DIP2C: variants seen among roughly 807,000 people sequenced by gnomAD.
The protein encoded by DIP2C is DIP2 acetate--CoA ligase C (putative).
Under a neutral mutation model 192.4 loss-of-function variants are expected in DIP2C, and 33 were observed. That is an observed-to-expected ratio of 0.17 (90% CI 0.13 to 0.23). DIP2C has a LOEUF of 0.23. DIP2C is among the 10% of genes least tolerant of loss of function. The pLI, the probability that DIP2C is intolerant of heterozygous loss-of-function variation, is 1.00. For missense variants in DIP2C, 1,537 were observed against 2,110.1 expected (o/e 0.73, Z 5.32); for synonymous variants, 979 against 864.1 (o/e 1.13, Z -2.33).
At chr10:540,630 G>A (rs1036094718) in intron 1 of DIP2C, among the ~76,000 whole-genome samples, 2 of 152,220 alleles carry the variant, frequency 1.3e-5, no homozygotes, top group African/African-American at 4.8e-5. Flanking sequence ...ATATGGCGGT[G>A]ATCGTGGCAT....
intron 1 of DIP2C, among the ~76,000 whole-genome samples, chr10:633,620 G>A (rs954675819): frequency 5.3e-5 from 8 of 152,234 alleles, no homozygotes; most frequent in African/African-American, 1.9e-4. Context: ...ACCACCCACA[G>A]ATGGACTGCT....
At chr10:504,632 G>A (rs909778303) in intron 1 of DIP2C, among the ~76,000 whole-genome samples, 4 of 152,178 alleles carry the variant, frequency 2.6e-5, no homozygotes, top group Admixed American at 6.5e-5. Flanking sequence ...CACGGGCTCC[G>A]TGTCCAAGTC....
chr10:316,234 T>G (rs1239785331), intron 31 of DIP2C, among the ~76,000 whole-genome samples: 2 of 152,202 alleles, frequency 1.3e-5, no homozygotes, highest in South Asian at 4.1e-4. Flanking sequence ...TATAACACAA[T>G]GTTTTATGAA....
At chr10:580,522 CAT>C (rs1420242294) in intron 1 of DIP2C, among the ~76,000 whole-genome samples, 3 of 152,136 alleles carry the variant, frequency 2.0e-5, no homozygotes, top group Non-Finnish European at 2.9e-5. Flanking sequence ...TAGTTATGCA[CAT>C]ATGTACACAT....
At chr10:360,907 C>T (rs1959397824) in intron 22 of DIP2C, among the ~76,000 whole-genome samples, 1 of 152,156 alleles carries the variant, frequency 6.6e-6, no homozygotes, top group Admixed American at 6.5e-5. Context: ...TTTGCTTTGG[C>T]TTCCAATAAT....
chr10:305,276 CTA>C (rs1564530356), intron 32 of DIP2C, among the ~76,000 whole-genome samples: 2 of 152,194 alleles, frequency 1.3e-5, no homozygotes, highest in African/African-American at 4.8e-5. Flanking sequence ...TGTGCAGACA[CTA>C]TTCACACACT....
rs543360502 is a variant in DIP2C at position 532,763 on chromosome 10, G to A, written c.86-46233C>T. Among the ~76,000 whole-genome samples the A allele has an allele frequency of 2.7e-5, 4 of 150,942 alleles. No homozygotes were observed. In the East Asian group the frequency reaches 7.9e-4, roughly 30 times the overall value. On this transcript the variant is annotated intron_variant, in intron 1 of 36. Coordinates refer to ENST00000280886, the MANE Select transcript of DIP2C (RefSeq NM_014974.3). ...TGAGAGAGAGTATGGGTGTGTGAGA[G>A]AGTATGGGTGTGTGAGAGAGTATGG...
chr10:469,100 C>G (rs771125656), intron 3 of DIP2C, among the ~76,000 whole-genome samples: 4 of 151,922 alleles, frequency 2.6e-5, no homozygotes, highest in Admixed American at 6.6e-5. Context: ...CGGATTCACC[C>G]TGGGAGCAGA....
At position 333,355 on chromosome 10, in the gene DIP2C, G is replaced by A. The variant is rs61837312; in HGVS notation, c.3585-3754C>T. On this transcript the variant is annotated intron_variant, in intron 29 of 36. Coordinates refer to ENST00000280886, the MANE Select transcript of DIP2C (RefSeq NM_014974.3). ...ATTCCCATCACCTGAAAGGGATCCC[G>A]TGTCCATCTGCAGTCAGTCCCATTT... Among the ~76,000 whole-genome samples the A allele has an allele frequency of 6.6e-3, 1,009 of 152,268 alleles. 4 individuals are homozygous for A. The highest frequency in any genetic ancestry group is 0.011 in the Non-Finnish European group (760 of 68,018).
chr10:399,605 T>A (rs1964254367), intron 9 of DIP2C, among the ~76,000 whole-genome samples: 1 of 152,204 alleles, frequency 6.6e-6, no homozygotes, highest in African/African-American at 2.4e-5. Flanking sequence ...TCAGCTCAGA[T>A]CCCATGGCAG....
intron 1 of DIP2C, among the ~76,000 whole-genome samples, chr10:519,590 C>T (rs374065407): frequency 6.6e-6 from 1 of 152,332 alleles, no homozygotes; most frequent in African/African-American, 2.4e-5. Context: ...GGGAAGAGGG[C>T]CGTTTCAGAT....
At chr10:637,287 A>C (rs555875968) in intron 1 of DIP2C, among the ~76,000 whole-genome samples, 25 of 149,758 alleles carry the variant, frequency 1.7e-4, no homozygotes, top group Admixed American at 1.5e-3. Flanking sequence ...CTGCTGTAAC[A>C]ACACACCATA....
At chr10:602,578 GC>G (rs1852162262) in intron 1 of DIP2C, among the ~76,000 whole-genome samples, 1 of 152,176 alleles carries the variant, frequency 6.6e-6, no homozygotes, top group African/African-American at 2.4e-5. Context: ...CCGTCTGTGA[GC>G]AACAGGTCCT....
intron 32 of DIP2C, among the ~76,000 whole-genome samples, chr10:305,322 T>A (rs997434472): frequency 4.6e-5 from 7 of 152,166 alleles, no homozygotes; most frequent in African/African-American, 1.7e-4. Flanking sequence ...CACAGCACAC[T>A]CACACATGCA....
At chr10:297,648 A>G (rs576273942) in intron 32 of DIP2C, among the ~76,000 whole-genome samples, 3 of 152,348 alleles carry the variant, frequency 2.0e-5, no homozygotes, top group African/African-American at 7.2e-5. Context: ...TACAAAGTAG[A>G]ACAGTGCATA....
At chr10:541,482 A>G (rs560064018) in intron 1 of DIP2C, among the ~76,000 whole-genome samples, 1 of 108,310 alleles carries the variant, frequency 9.2e-6, no homozygotes, top group East Asian at 2.9e-4. Flanking sequence ...CCACCCCCAT[A>G]TCTCTCCTGG....
intron 28 of DIP2C, among the ~76,000 whole-genome samples, chr10:342,506 C>T (rs1958205491): frequency 6.6e-6 from 1 of 152,174 alleles, no homozygotes; most frequent in Non-Finnish European, 1.5e-5. Flanking sequence ...GGGGAGGCAC[C>T]ACGGTGCATT....
intron 1 of DIP2C, among the ~76,000 whole-genome samples, chr10:531,447 C>T (rs1564823427): frequency 6.6e-6 from 1 of 152,058 alleles, no homozygotes; most frequent in Non-Finnish European, 1.5e-5. Context: ...TTTCCTTCCT[C>T]TGTACATCTC....
At chr10:576,981 A>G (rs774177013) in intron 1 of DIP2C, among the ~76,000 whole-genome samples, 22 of 152,210 alleles carry the variant, frequency 1.4e-4, no homozygotes, top group Non-Finnish European at 1.8e-4. Context: ...CCATTTACTT[A>G]AAATATAAAA....
Sources: allele counts gnomAD v4.1 joint callset (sites outside exome capture counted in the v4.1 genomes callset), GRCh38; gene constraint gnomAD v4.1.1; transcripts MANE v1.5; gene names NCBI Gene and HGNC (gene_info 2026-07-23, HGNC 2026-07-21).